Variants in LETMD1 observed in about 807,000 individuals in gnomAD.
LETMD1 encodes the protein LETM1 domain-containing protein 1.
A neutral mutation model predicts 43.9 loss-of-function variants in LETMD1; 30 were observed. The observed-to-expected ratio is 0.68, with a 90% CI of 0.51 to 0.93. The LOEUF (loss-of-function observed/expected upper bound fraction) is 0.93. Among genes scored for constraint, LETMD1 ranks in the 40% least tolerant of loss-of-function variants. The pLI, the probability that LETMD1 is intolerant of heterozygous loss-of-function variation, is 0.00. For synonymous variants in LETMD1, 176 were observed against 163.1 expected (o/e 1.08, Z -0.60); for missense variants, 413 against 447.7 (o/e 0.92, Z 0.70).
intron 4 of LETMD1, among the ~76,000 whole-genome samples, chr12:51,055,170 G>T (rs1947297534): frequency 6.6e-6 from 1 of 152,042 alleles, no homozygotes; most frequent in South Asian, 2.1e-4. Context: ...TAGTTAGATT[G>T]TCAACATCAC....
chr12:51,067,889 C>G, the LETMD1 span: 1 of 1,614,180 alleles, frequency 6.2e-7, no homozygotes. The surrounding 1 kb of genome is among the most constrained non-coding windows in gnomAD (Gnocchi z 4.1). Flanking sequence ...CCACATTTTC[C>G]ACATCAATAT....
At chr12:51,055,565 T>C (rs979274033) in intron 4 of LETMD1, 9 of 303,938 alleles carry the variant, frequency 3.0e-5, no homozygotes, top group African/African-American at 2.0e-4. Flanking sequence ...CTCAGTAGGC[T>C]GTGGTGGGAG....
chr12:51,068,186 C>T, the LETMD1 span, among the ~76,000 whole-genome samples: 27 of 152,316 alleles, frequency 1.8e-4, no homozygotes, highest in Non-Finnish European at 3.8e-4. Context: ...AGACAAAAGT[C>T]TCATTCTGTC....
chr12:51,048,635 G>A, intron 1 of LETMD1, 157 bp downstream of exon 1: 2 of 920,044 alleles, frequency 2.2e-6, no homozygotes, highest in Admixed American at 2.7e-5. Context: ...CCCCACTAGT[G>A]ACCCGGCTTC....
At position 51,049,601 on chromosome 12, in the gene LETMD1, A is replaced by G. The variant is rs1038504261; in HGVS notation, c.274+416A>G. 2.6e-5 allele frequency among the ~76,000 whole-genome samples: 4 copies of G among 152,222 alleles called. 1 individual carries two copies. Among genetic ancestry groups the G allele is most frequent in the Admixed American group, 2.6e-4 (4 of 15,262 alleles). ...TATTAGGTAGTATGTTGTAGTGGCA[A>G]TAGCCCTACATAATACTTGGTTTCT... On this transcript the variant is annotated intron_variant, in intron 2 of 8. Transcript: ENST00000262055.
chr12:51,058,922 A>G (rs1040358299), intron 8 of LETMD1: 1 of 191,288 alleles, frequency 5.2e-6, no homozygotes, highest in African/African-American at 2.3e-5. Flanking sequence ...TCAGAAAAAA[A>G]ACAGTCTGCT....
chr12:51,063,843 G>A (rs752561947), downstream of LETMD1: 37 of 1,613,842 alleles, frequency 2.3e-5, 1 homozygote, highest in Non-Finnish European at 2.9e-5. Context: ...TTCATTGTCC[G>A]TGCGGAAGGG....
rs527591001 is a variant in LETMD1, at chr12:51,056,008, A to G, written c.647A>G (p.Asp216Gly). The change falls in exon 5 of 9, where the codon GAT becomes GGT. Residue 216 changes from aspartate to glycine, a missense_variant. Physicochemically the swap from Asp to Gly is moderately conservative, Grantham distance 94. Coordinates refer to ENST00000262055, the MANE Select transcript of LETMD1 (RefSeq NM_015416.5). The part of the protein sequence containing the change: ...SDAGLRWRLT[D>G]LCTKIQRGTH... ...GCAGGACTCCGGTGGCGTCTGACAG[A>G]TCTGTGCACCAAGGTATTCCTGCAG... 6.2e-7 allele frequency: 1 copy of G among 1,613,900 alleles called. No homozygotes were observed. The highest frequency in any genetic ancestry group is 1.1e-5 in the South Asian group (1 of 91,030).
chr12:51,064,129 G>C, downstream of LETMD1: 6 of 1,614,208 alleles, frequency 3.7e-6, no homozygotes, highest in Non-Finnish European at 5.1e-6. Flanking sequence ...TAATAGACCA[G>C]GGGCCCACTG....
At chr12:51,051,377 C>G (rs796893120) in intron 2 of LETMD1, among the ~76,000 whole-genome samples, 50 of 151,228 alleles carry the variant, frequency 3.3e-4, no homozygotes, top group African/African-American at 1.1e-3. Context: ...GCACTCCAGC[C>G]TGGGCGACAG....
Position 51,056,196 on chromosome 12 carries a change from G to A in LETMD1, c.713G>A (p.Cys238Tyr). The change falls in exon 6 of 9, where the codon TGT (cysteine) becomes TAT (tyrosine). Residue 238 changes from cysteine to tyrosine, a missense_variant. Transcript: ENST00000262055. ...CATGATATCTTGGCTCTGAGAGAGT[G>A]TTTCTCTAACCATCCTCTGGGCATG... Reference protein sequence around the residue: ...AIHDILALRECFSNHPLGMNQ... With the variant: ...AIHDILALREYFSNHPLGMNQ... The A allele has an allele frequency of 6.2e-7, 1 of 1,614,240 alleles. No homozygotes were observed. The highest frequency in any genetic ancestry group is 8.5e-7 in the Non-Finnish European group (1 of 1,180,040).
downstream of LETMD1, chr12:51,061,788 A>C (rs149767308): frequency 6.6e-6 from 1 of 152,320 alleles, no homozygotes; most frequent in African/African-American, 2.4e-5. Flanking sequence ...ATTAAGCCGG[A>C]GCCTTCCTGC....
At chr12:51,051,527 T>C (rs934515233) in intron 2 of LETMD1, among the ~76,000 whole-genome samples, 2 of 151,730 alleles carry the variant, frequency 1.3e-5, no homozygotes, top group African/African-American at 4.8e-5. Context: ...GTCCACATGG[T>C]GAAACCCCAT....
At chr12:51,062,208 T>C (rs1382577721), downstream of LETMD1, 3 of 152,186 alleles carry the variant, frequency 2.0e-5, no homozygotes, top group East Asian at 3.8e-4. Context: ...AGGGCCTTAA[T>C]ATCCCACCAG....
chr12:51,062,247 A>AGTAGT (rs1231506630), downstream of LETMD1: 1 of 152,174 alleles, frequency 6.6e-6, no homozygotes, highest in African/African-American at 2.4e-5. Context: ...GATAAGTAGG[A>AGTAGT]GTAGTGTCTC....
chr12:51,051,555 A>G (rs1946149503), intron 2 of LETMD1, among the ~76,000 whole-genome samples: 1 of 150,910 alleles, frequency 6.6e-6, no homozygotes, highest in Non-Finnish European at 1.5e-5. Context: ...AAAAATGCAA[A>G]AATTAGCCAG....
At chr12:51,063,703 GAATA>G (rs1937800770), downstream of LETMD1, 5 of 1,414,346 alleles carry the variant, frequency 3.5e-6, no homozygotes, top group Non-Finnish European at 4.7e-6. Flanking sequence ...TAAAATAAGG[GAATA>G]AATAGAGAAT....
chr12:51,066,366 T>C, the LETMD1 span, among the ~76,000 whole-genome samples: 1 of 151,640 alleles, frequency 6.6e-6, no homozygotes, highest in African/African-American at 2.4e-5. Flanking sequence ...GGCAGGAGAA[T>C]TGCTTGAACC....
At chr12:51,067,583 C>A in the LETMD1 span, 32 of 1,289,140 alleles carry the variant, frequency 2.5e-5, 1 homozygote, top group Non-Finnish European at 3.1e-5. This position sits in a 1 kb window ranked among gnomAD's most constrained non-coding sequence, Gnocchi z 4.1. Context: ...GGAATCCACC[C>A]CTGAATGGGC....
Sources: allele counts gnomAD v4.1 joint callset (sites outside exome capture counted in the v4.1 genomes callset), GRCh38; gene constraint gnomAD v4.1.1; non-coding constraint Gnocchi (gnomAD v3.1); transcripts MANE v1.5; gene names NCBI Gene and HGNC (gene_info 2026-07-23, HGNC 2026-07-21).